ADD3: variants seen among roughly 807,000 people sequenced by gnomAD.
ADD3 encodes the protein gamma-adducin.
In ADD3, 25 loss-of-function variants were observed where a neutral mutation model predicts 80.2. That is an observed-to-expected ratio of 0.31 (90% CI 0.23 to 0.44). The LOEUF is 0.44. Ranked by LOEUF, ADD3 falls within the 20% of genes least tolerant of loss-of-function variation. ADD3 has a pLI of 1.00. For missense variants in ADD3, 829 were observed against 847.5 expected (o/e 0.98, Z 0.27); for synonymous variants, 284 against 289.6 (o/e 0.98, Z 0.20).
intron 2 of ADD3, among the ~76,000 whole-genome samples, chr10:110,103,131 A>G (rs901398792): frequency 6.6e-6 from 1 of 152,190 alleles, no homozygotes; most frequent in African/African-American, 2.4e-5. Flanking sequence ...AAGTGTATAC[A>G]TTTTGTCTTC....
At chr10:110,100,545 TA>T in intron 1 of ADD3, 79 bp from the exon 2 acceptor site, 2 of 938,582 alleles carry the variant, frequency 2.1e-6, no homozygotes, top group Non-Finnish European at 1.5e-6. Flanking sequence ...GGGCAAAATG[TA>T]AAAGTTCTGC....
At chr10:110,119,653 T>C in intron 8 of ADD3, 89 bp downstream of exon 8, 1 of 1,117,382 alleles carries the variant, frequency 8.9e-7, no homozygotes, top group South Asian at 1.4e-5. Context: ...ACATATTAGT[T>C]AGTGGCTTTT....
chr10:110,125,755 G>A, intron 10 of ADD3, 71 bp from the exon 11 acceptor site: 1 of 1,186,096 alleles, frequency 8.4e-7, no homozygotes, highest in Non-Finnish European at 1.2e-6. Flanking sequence ...GAGACTATAA[G>A]CAGTTATCTA....
At chr10:110,026,467 A>G (rs113889172) in intron 1 of ADD3, among the ~76,000 whole-genome samples, 50 of 151,944 alleles carry the variant, frequency 3.3e-4, no homozygotes, top group Non-Finnish European at 5.9e-4. Context: ...TTTAGTAGAG[A>G]TGGGGTGTCT....
chr10:110,115,623 C>G (rs1445364081), intron 3 of ADD3, among the ~76,000 whole-genome samples: 1 of 152,008 alleles, frequency 6.6e-6, no homozygotes, highest in Non-Finnish European at 1.5e-5. Context: ...AGCATGTAGA[C>G]AAGGAATAAG....
intron 2 of ADD3, among the ~76,000 whole-genome samples, chr10:110,101,511 T>A (rs934601265): frequency 3.3e-5 from 5 of 151,670 alleles, no homozygotes; most frequent in Non-Finnish European, 5.9e-5. Flanking sequence ...GGTGTGCACA[T>A]GTAGTCCCAT....
chr10:110,054,915 C>A (rs995679330), intron 1 of ADD3, among the ~76,000 whole-genome samples: 16 of 151,930 alleles, frequency 1.1e-4, no homozygotes, highest in Admixed American at 2.0e-4. Context: ...CGCCTGGCCT[C>A]CATGCCTGGC....
intron 3 of ADD3, among the ~76,000 whole-genome samples, chr10:110,114,215 C>T (rs537426419): frequency 8.5e-5 from 13 of 152,076 alleles, no homozygotes; most frequent in East Asian, 1.9e-4. Context: ...AAGTGAAAAG[C>T]GGAAGTTAAA....
intron 10 of ADD3, among the ~76,000 whole-genome samples, chr10:110,124,572 T>C (rs949097959): frequency 5.9e-5 from 9 of 152,154 alleles, no homozygotes; most frequent in Admixed American, 2.0e-4. Context: ...GAAGACAGTC[T>C]GACTCTTGAG....
chr10:110,006,085 G>C (rs1851615061), upstream of ADD3: 2 of 169,954 alleles, frequency 1.2e-5, no homozygotes, highest in Non-Finnish European at 2.6e-5. Flanking sequence ...TCCACACCTA[G>C]AGAACAGAAG....
In ADD3 at chr10:110,065,535, T is replaced by TC. The variant is rs1417808888; in HGVS notation, c.-29-35086dup. Among the ~76,000 whole-genome samples the TC allele has an allele frequency of 1.4e-4, 16 of 111,928 alleles. 1 individual carries two copies. The highest frequency in any genetic ancestry group is 5.3e-4 in the African/African-American group (16 of 30,222). The allele number at this position is 111,928 out of a possible 152,430, so 73.4% of individuals were successfully genotyped here. ...CTCATTTTTTCTTAGCCTCTCTCTC[T>TC]CCCCTTTTTTTTTTTTTTTTTTGAG... On this transcript the variant is annotated intron_variant, in intron 1 of 14. Transcript: ENST00000356080.
At chr10:110,129,162 T>A (rs1852600738) in intron 12 of ADD3, among the ~76,000 whole-genome samples, 1 of 151,540 alleles carries the variant, frequency 6.6e-6, no homozygotes, top group African/African-American at 2.4e-5. Flanking sequence ...TTTTTTTTTT[T>A]TTTTGAGACG....
At position 110,087,316 on chromosome 10, in the gene ADD3, G is replaced by T. The variant is rs558160461; in HGVS notation, c.-29-13309G>T. Among the ~76,000 whole-genome samples, 37 of 152,312 alleles carry T rather than the reference G, an allele frequency of 2.4e-4. No individual in the cohort carries two copies. The South Asian group carries it at 7.3e-3, about 30-fold the overall frequency. ...CAAATTGCTGGGATTACAGGCATGA[G>T]CTACCATGCCTGGTCCTGAGCAAGT... On this transcript the variant is annotated intron_variant, in intron 1 of 14. Coordinates refer to ENST00000356080, the MANE Select transcript of ADD3 (RefSeq NM_016824.5).
intron 6 of ADD3, 61 bp downstream of exon 6, chr10:110,118,797 TCTCA>T (rs1396863527): frequency 2.7e-5 from 41 of 1,509,176 alleles, no homozygotes; most frequent in Middle Eastern, 3.4e-4. Context: ...TTTGTGGCTT[TCTCA>T]ACAGGATGCT....
At chr10:110,007,832 G>A, upstream of ADD3, 1 of 150,884 alleles carries the variant, frequency 6.6e-6, no homozygotes, top group Non-Finnish European at 1.5e-5. Flanking sequence ...GGGCCGGGAG[G>A]CTTCGGAGCC....
intron 1 of ADD3, among the ~76,000 whole-genome samples, chr10:110,018,526 C>CAAAAAAA (rs59949041): frequency 2.0e-5 from 1 of 49,504 alleles, no homozygotes; most frequent in Non-Finnish European, 4.7e-5. Flanking sequence ...GACTTTGTCT[C>CAAAAAAA]AAAAAAAAAA....
At chr10:110,132,166 T>C (rs951390039) in intron 13 of ADD3, 139 bp from the exon 14 acceptor site, 26 of 599,464 alleles carry the variant, frequency 4.3e-5, no homozygotes, top group Non-Finnish European at 7.4e-5. Context: ...ATGGGATAAC[T>C]GTTAGCATGC....
chr10:110,026,821 T>G (rs994595021), intron 1 of ADD3, among the ~76,000 whole-genome samples: 1 of 152,114 alleles, frequency 6.6e-6, no homozygotes, highest in South Asian at 2.1e-4. Flanking sequence ...GAGATTTTGG[T>G]TTGTAGAGAA....
At position 110,119,299 on chromosome 10, in the gene ADD3, T is replaced by C. The variant is rs781086274; in HGVS notation, c.806T>C (p.Leu269Pro). 2 of 1,614,052 alleles carry C rather than the reference T, an allele frequency of 1.2e-6. No individual in the cohort carries two copies. The highest frequency in any genetic ancestry group is 1.3e-5 in the African/African-American group (1 of 74,938). The change falls in exon 7 of 15, where the codon CTT becomes CCT. Residue 269 changes from leucine to proline, a missense_variant. Coordinates refer to ENST00000356080, the MANE Select transcript of ADD3 (RefSeq NM_016824.5). ...DVAYYDYQGS[L>P]EEQEERIQLQ... ...GCCTATTATGACTACCAAGGGTCAC[T>C]TGAAGAACAGGAGGAGAGAATTCAA...
Sources: gnomAD v4.1 joint callset for allele counts (sites outside exome capture counted in the v4.1 genomes callset) on GRCh38, gnomAD v4.1.1 for gene constraint, MANE v1.5 for transcripts, NCBI Gene and HGNC (gene_info 2026-07-23, HGNC 2026-07-21) for gene names.